KIF26A: variants seen among roughly 807,000 people sequenced by gnomAD.
The protein encoded by KIF26A is kinesin-like protein KIF26A.
KIF26A carries 74 observed loss-of-function variants against 126.0 expected under a neutral mutation model. The observed-to-expected ratio is 0.59, with a 90% CI of 0.49 to 0.71. The LOEUF (loss-of-function observed/expected upper bound fraction) is 0.71. KIF26A is among the 30% of genes least tolerant of loss of function. The pLI is 0.00. For missense variants in KIF26A, 2,984 were observed against 2,763.3 expected (o/e 1.08, Z -1.79); for synonymous variants, 1,445 against 1,232.7 (o/e 1.17, Z -3.61).
chr14:104,156,009 A>G (rs1252816539), intron 3 of KIF26A, among the ~76,000 whole-genome samples: 1 of 152,184 alleles, frequency 6.6e-6, no homozygotes, highest in Non-Finnish European at 1.5e-5. Context: ...AGGATGCCAA[A>G]TGTGGCCCCA....
intron 4 of KIF26A, among the ~76,000 whole-genome samples, chr14:104,164,261 G>A (rs374343774): frequency 1.3e-5 from 2 of 151,744 alleles, no homozygotes; most frequent in Non-Finnish European, 1.5e-5. Context: ...TGGGGGGGGC[G>A]TGGGGCATGT....
chr14:104,167,125 G>C (rs2037914373), intron 5 of KIF26A, 77 bp downstream of exon 5: 1 of 1,371,942 alleles, frequency 7.3e-7, no homozygotes, highest in Admixed American at 2.9e-5. Flanking sequence ...GGGTGAGGGA[G>C]TGGAGGGGCT....
At chr14:104,140,652 G>A (rs1032941186) in intron 2 of KIF26A, among the ~76,000 whole-genome samples, 4 of 152,168 alleles carry the variant, frequency 2.6e-5, no homozygotes, top group African/African-American at 9.7e-5. Flanking sequence ...GGAGAGGGCT[G>A]CAGGTGATAC....
intron 4 of KIF26A, among the ~76,000 whole-genome samples, chr14:104,165,252 T>C (rs1415063813): frequency 1.3e-5 from 2 of 152,012 alleles, no homozygotes; most frequent in Non-Finnish European, 2.9e-5. Context: ...TGTCTCCATA[T>C]GCATGTGTGT....
chr14:104,159,111 G>A (rs918627649), intron 4 of KIF26A, among the ~76,000 whole-genome samples: 8 of 152,222 alleles, frequency 5.3e-5, no homozygotes, highest in South Asian at 4.1e-4. Flanking sequence ...GCACACCATC[G>A]CGTTGGAGCA....
rs753447725 is a variant in KIF26A, at chr14:104,172,668, G to A, written c.1420G>A (p.Gly474Ser). 1 of 1,610,822 alleles carries A rather than the reference G, an allele frequency of 6.2e-7. No individual in the cohort carries two copies. Among genetic ancestry groups the A allele is most frequent in the African/African-American group, 1.3e-5 (1 of 74,986 alleles). Residue 474 changes from glycine (G) to serine (S), a missense_variant and splice_region_variant, in exon 7 of 15, where the codon GGC becomes AGC. Physicochemically the swap from Gly to Ser is moderately conservative, Grantham distance 56. Transcript: ENST00000423312. Reference sequence around the variant, plus strand: ...TTTTTCCTTTGGCCACATGAGCCTGGGTAAGCACCCTTGCCCCACCCTAGA... The same window carrying A: ...TTTTTCCTTTGGCCACATGAGCCTGAGTAAGCACCCTTGCCCCACCCTAGA... Reference protein sequence around the residue: ...CIFSFGHMSLGKSYTMIGKDS... With the variant: ...CIFSFGHMSLSKSYTMIGKDS...
chr14:104,170,838 C>T lies in KIF26A; in HGVS notation c.1114-885C>T, dbSNP rs534535721. Reference sequence around the variant, plus strand: ...GGTCCTGCCCCTCCCCGGCGTCTGCCCCCTCTCAGGGTACTGGGGCTGGTG... The same window carrying T: ...GGTCCTGCCCCTCCCCGGCGTCTGCTCCCTCTCAGGGTACTGGGGCTGGTG... On this transcript the variant is annotated intron_variant, in intron 5 of 14. Coordinates refer to ENST00000423312, the MANE Select transcript of KIF26A (RefSeq NM_015656.2). Among the ~76,000 whole-genome samples, 44 of 152,374 alleles carry T rather than the reference C, an allele frequency of 2.9e-4. 1 individual carries two copies. The South Asian group carries it at 8.1e-3, about 28-fold the overall frequency.
At chr14:104,158,942 G>A (rs367649926) in intron 4 of KIF26A, among the ~76,000 whole-genome samples, 6 of 152,242 alleles carry the variant, frequency 3.9e-5, no homozygotes, top group South Asian at 4.1e-4. Flanking sequence ...GCAGCCCCAC[G>A]CGGGTGCTGA....
chr14:104,175,064 C>T lies in KIF26A; in HGVS notation c.2276C>T (p.Pro759Leu). 1 of 1,587,302 alleles carries T rather than the reference C, an allele frequency of 6.3e-7. No individual in the cohort carries two copies. The highest frequency in any genetic ancestry group is 8.6e-7 in the Non-Finnish European group (1 of 1,169,120). ...CCCCCGCACCTGCGGCCCTTCCACCCACGCACTGTGGCCCTGGACCCCGAC... is the reference window on the plus strand; with the variant it reads ...CCCCCGCACCTGCGGCCCTTCCACCTACGCACTGTGGCCCTGGACCCCGAC... The part of the protein sequence containing the change: ...RRPPHLRPFH[P>L]RTVALDPDRT... Residue 759 changes from proline to leucine, a missense_variant, in exon 12 of 15, where the codon CCA (proline) becomes CTA (leucine). Physicochemically the swap from Pro to Leu is moderately conservative, Grantham distance 98 (BLOSUM62 -3). Coordinates refer to ENST00000423312, the MANE Select transcript of KIF26A (RefSeq NM_015656.2).
At chr14:104,145,123 C>T (rs2037669013) in intron 2 of KIF26A, among the ~76,000 whole-genome samples, 2 of 152,256 alleles carry the variant, frequency 1.3e-5, no homozygotes, top group Admixed American at 1.3e-4. Context: ...CTGCCACCCC[C>T]ACCACGGTGT....
intron 4 of KIF26A, among the ~76,000 whole-genome samples, chr14:104,162,671 G>C (rs1281634172): frequency 6.6e-6 from 1 of 152,056 alleles, no homozygotes; most frequent in Non-Finnish European, 1.5e-5. Flanking sequence ...AGCCTTGGGA[G>C]GGGCTGCAGG....
rs374991880 is a variant in KIF26A at position 104,179,372 on chromosome 14, G to A, written c.5453G>A (p.Arg1818His). 1.7e-4 allele frequency: 255 copies of A among 1,524,902 alleles called. No homozygotes were observed. Among genetic ancestry groups the A allele is most frequent in the East Asian group, 5.9e-4 (24 of 40,704 alleles). The allele number at this position is 1,524,902 out of a possible 1,614,324, so 94.5% of individuals were successfully genotyped here. ...TQGRLMLEPGRWLEQFEVDPE... is the reference protein window; with the variant it reads ...TQGRLMLEPGHWLEQFEVDPE... ...GGCCGGCTGATGCTGGAGCCTGGCC[G>A]CTGGCTGGAGCAGTGTGAGTCCCGC... The change falls in exon 14 of 15, where the codon CGC becomes CAC. Residue 1818 changes from arginine to histidine, a missense_variant. Physicochemically the swap from Arg to His is conservative, Grantham distance 29 (BLOSUM62 0). Coordinates refer to ENST00000423312, the MANE Select transcript of KIF26A (RefSeq NM_015656.2).
intron 5 of KIF26A, among the ~76,000 whole-genome samples, chr14:104,170,635 C>A (rs1019775548): frequency 6.6e-6 from 1 of 152,266 alleles, no homozygotes; most frequent in African/African-American, 2.4e-5. Context: ...GGAAATGGGG[C>A]CTGTCTCTGG....
Position 104,177,610 on chromosome 14 carries a change from G to A in KIF26A, c.4822G>A (p.Ala1608Thr). ...GGAGGAGCGGCCACCCACGGGCCCG[G>A]CCCTGCCCTCCCCCTACAGCAAGGT... Reference protein sequence around the residue: ...VGEERPPTGPALPSPYSKVTA... With the variant: ...VGEERPPTGPTLPSPYSKVTA... Residue 1608 changes from alanine to threonine, a missense_variant, in exon 12 of 15, where the codon GCC becomes ACC. Ala to Thr is a moderately conservative substitution (Grantham distance 58). Coordinates refer to ENST00000423312, the MANE Select transcript of KIF26A (RefSeq NM_015656.2). 2 of 1,528,850 alleles carry A rather than the reference G, an allele frequency of 1.3e-6. No homozygotes were observed. The highest frequency in any genetic ancestry group is 1.8e-6 in the Non-Finnish European group (2 of 1,142,672). 94.7% of individuals were successfully genotyped at this position (1,528,850 alleles called of 1,614,324 possible).
chr14:104,164,940 C>T (rs754662314), intron 4 of KIF26A, among the ~76,000 whole-genome samples: 9 of 146,618 alleles, frequency 6.1e-5, no homozygotes, highest in South Asian at 4.4e-4. Flanking sequence ...TATGTCTCTC[C>T]GTGTTTCTGT....
At position 104,148,561 on chromosome 14, in the gene KIF26A, G is replaced by A. The variant is rs1466041693; in HGVS notation, c.289-3454G>A. Among the ~76,000 whole-genome samples the A allele has an allele frequency of 1.3e-5, 2 of 151,856 alleles. No homozygotes were observed. The highest frequency in any genetic ancestry group is 2.0e-4 in the East Asian group (1 of 5,110). Reference sequence around the variant, plus strand: ...GCTGCCGGGATGGCTGGGAGAGGAGGCCTGGTCCCACTGCCCAGCCTGTGC... The same window carrying A: ...GCTGCCGGGATGGCTGGGAGAGGAGACCTGGTCCCACTGCCCAGCCTGTGC... On this transcript the variant is annotated intron_variant, in intron 2 of 14. Transcript: ENST00000423312. This position sits in a 1 kb window ranked among gnomAD's most constrained non-coding sequence, Gnocchi z 4.3.
chr14:104,147,280 C>T (rs1199985500), intron 2 of KIF26A, among the ~76,000 whole-genome samples: 1 of 152,186 alleles, frequency 6.6e-6, no homozygotes, highest in Admixed American at 6.5e-5. Flanking sequence ...CAGGGGAGGC[C>T]ATTGAGGGGA....
chr14:104,164,310 C>T (rs984645307), intron 4 of KIF26A, among the ~76,000 whole-genome samples: 9 of 152,022 alleles, frequency 5.9e-5, no homozygotes, highest in Admixed American at 1.3e-4. Context: ...GGGGGAGCGC[C>T]GGTGGTCAGC....
Position 104,177,127 on chromosome 14 carries a change from A to G in KIF26A, c.4339A>G (p.Ser1447Gly), listed in dbSNP as rs758999938. Residue 1447 changes from serine to glycine, a missense_variant, in exon 12 of 15, where the codon AGC (serine) becomes GGC (glycine). Physicochemically the swap from Ser to Gly is moderately conservative, Grantham distance 56 (BLOSUM62 0). Transcript: ENST00000423312. ...GGAGCGGTACGAAGGCCTGGCGCAC[A>G]GCAGCAGCAAGGGCCGGGAAGCCCC... ...SLERYEGLAH[S>G]SSKGREAPGR... is the part of the protein sequence containing the mutation. 3.8e-6 allele frequency: 6 copies of G among 1,597,660 alleles called. No individual in the cohort carries two copies. Among genetic ancestry groups the G allele is most frequent in the Non-Finnish European group, 4.2e-6 (5 of 1,179,338 alleles).
Sources: gnomAD v4.1 joint callset for allele counts (sites outside exome capture counted in the v4.1 genomes callset) on GRCh38, gnomAD v4.1.1 for gene constraint, Gnocchi (gnomAD v3.1) non-coding constraint, MANE v1.5 for transcripts, NCBI Gene and HGNC (gene_info 2026-07-23, HGNC 2026-07-21) for gene names.